Variants in PSD3 observed in about 807,000 individuals in gnomAD.
PSD3 encodes the protein pleckstrin and Sec7 domain containing 3, also known as PH and SEC7 domain-containing protein 3.
PSD3 carries 49 observed loss-of-function variants against 105.5 expected under a neutral mutation model. That is an observed-to-expected ratio of 0.46 (90% CI 0.37 to 0.59). The LOEUF is 0.59. PSD3 is among the 20% of genes least tolerant of loss of function. PSD3 has a pLI of 0.00. For missense variants in PSD3, 1,561 were observed against 1,263.8 expected (o/e 1.24, Z -3.57); for synonymous variants, 557 against 457.8 (o/e 1.22, Z -2.77).
At chr8:19,070,923 G>C (rs1407045361) in intron 1 of PSD3, among the ~76,000 whole-genome samples, 1 of 152,108 alleles carries the variant, frequency 6.6e-6, no homozygotes, top group Non-Finnish European at 1.5e-5. Context: ...TCTTTAGTTA[G>C]GCTAGGCAGG....
intron 12 of PSD3, among the ~76,000 whole-genome samples, chr8:18,589,676 G>C (rs1477795228): frequency 6.6e-6 from 1 of 152,200 alleles, no homozygotes; most frequent in Non-Finnish European, 1.5e-5. Flanking sequence ...GTCTGGAGAA[G>C]GGGTGGCAGG....
intron 9 of PSD3, among the ~76,000 whole-genome samples, chr8:18,663,037 T>G (rs1268713692): frequency 6.6e-6 from 1 of 152,142 alleles, no homozygotes; most frequent in East Asian, 1.9e-4. Context: ...CATTTCTTCA[T>G]TATTACTGAA....
chr8:18,552,936 T>G (rs1800860745), intron 15 of PSD3, among the ~76,000 whole-genome samples: 1 of 152,154 alleles, frequency 6.6e-6, no homozygotes, highest in African/African-American at 2.4e-5. Context: ...GAAGTTTCCT[T>G]GCTCTCTGTA....
At chr8:18,789,778 C>T (rs1051482559) in intron 8 of PSD3, among the ~76,000 whole-genome samples, 1 of 152,208 alleles carries the variant, frequency 6.6e-6, no homozygotes, top group Non-Finnish European at 1.5e-5. Context: ...TCAGGGGTTT[C>T]AGCCACCATC....
At chr8:18,970,905 G>T (rs528163326) in intron 1 of PSD3, among the ~76,000 whole-genome samples, 2 of 149,166 alleles carry the variant, frequency 1.3e-5, no homozygotes, top group Non-Finnish European at 3.0e-5. Context: ...CTAGAACCCA[G>T]GAGGCGGAGG....
chr8:18,789,599 T>C (rs1809505372), intron 8 of PSD3, among the ~76,000 whole-genome samples: 2 of 152,222 alleles, frequency 1.3e-5, no homozygotes, highest in African/African-American at 4.8e-5. Flanking sequence ...TTTAGAATAC[T>C]GAAATATCAG....
chr8:18,598,629 G>C (rs931143043), intron 12 of PSD3, among the ~76,000 whole-genome samples: 4 of 151,956 alleles, frequency 2.6e-5, no homozygotes, highest in East Asian at 3.9e-4. Context: ...AACAGATACA[G>C]TTTCAAATGA....
intron 1 of PSD3, among the ~76,000 whole-genome samples, chr8:18,946,171 A>T (rs1830931045): frequency 6.6e-6 from 1 of 152,196 alleles, no homozygotes; most frequent in Admixed American, 6.5e-5. Flanking sequence ...TTCCACTATA[A>T]TTAAAAATTT....
intron 1 of PSD3, among the ~76,000 whole-genome samples, chr8:19,079,516 A>C (rs1829573764): frequency 6.6e-6 from 1 of 152,192 alleles, no homozygotes; most frequent in Admixed American, 6.5e-5. Flanking sequence ...GAGAAAAACA[A>C]CTTTTAAACT....
upstream of PSD3, chr8:19,013,720 C>T: frequency 1.4e-6 from 1 of 706,636 alleles, no homozygotes; most frequent in Non-Finnish European, 1.9e-6. Flanking sequence ...CGGCGGCCCG[C>T]GCGCACCCTG....
At chr8:19,080,627 C>T (rs1056244146) in intron 1 of PSD3, among the ~76,000 whole-genome samples, 1 of 152,154 alleles carries the variant, frequency 6.6e-6, no homozygotes, top group South Asian at 2.1e-4. Flanking sequence ...TGGCTCCTTG[C>T]CTGTCATGCT....
chr8:19,008,229 G>T (rs1026529595), intron 1 of PSD3, among the ~76,000 whole-genome samples: 2 of 151,730 alleles, frequency 1.3e-5, no homozygotes, highest in African/African-American at 2.4e-5. Flanking sequence ...AAATGAATCG[G>T]CGAAACATAA....
At chr8:18,796,844 C>G (rs988317246) in intron 8 of PSD3, among the ~76,000 whole-genome samples, 1 of 152,090 alleles carries the variant, frequency 6.6e-6, no homozygotes, top group Non-Finnish European at 1.5e-5. Context: ...ATTCTGGCAT[C>G]GGATCAAGTA....
chr8:18,782,762 G>A (rs1165877979), intron 8 of PSD3, among the ~76,000 whole-genome samples: 1 of 152,148 alleles, frequency 6.6e-6, no homozygotes, highest in Non-Finnish European at 1.5e-5. Flanking sequence ...GCTAACTTGG[G>A]GCCCCAAGCT....
intron 1 of PSD3, among the ~76,000 whole-genome samples, chr8:19,065,467 C>G (rs1829045707): frequency 1.3e-5 from 2 of 152,162 alleles, no homozygotes; most frequent in South Asian, 4.1e-4. Flanking sequence ...TCACAAGACA[C>G]CAGTTTTATG....
At chr8:18,672,304 C>A (rs900146358) in intron 9 of PSD3, among the ~76,000 whole-genome samples, 23 of 151,472 alleles carry the variant, frequency 1.5e-4, no homozygotes, top group Middle Eastern at 3.4e-3. Flanking sequence ...AAAAAAAAAA[C>A]TTGCTGGGTA....
At chr8:18,834,594 T>C (rs775166765) in intron 4 of PSD3, among the ~76,000 whole-genome samples, 2 of 152,058 alleles carry the variant, frequency 1.3e-5, no homozygotes, top group Non-Finnish European at 2.9e-5. Context: ...ACCCTAGAAA[T>C]CTGGGCCGCG....
chr8:18,791,523 C>T (rs2129446375), intron 8 of PSD3, among the ~76,000 whole-genome samples: 1 of 151,878 alleles, frequency 6.6e-6, no homozygotes, highest in African/African-American at 2.4e-5. Flanking sequence ...ACTGGGTAGC[C>T]ATACGCAGAA....
intron 9 of PSD3, among the ~76,000 whole-genome samples, chr8:18,678,719 G>C (rs1184179607): frequency 9.9e-5 from 15 of 152,178 alleles, no homozygotes. Flanking sequence ...GGCCGAGGCA[G>C]GGGAATCGCT....
Sources: allele counts gnomAD v4.1 joint callset (sites outside exome capture counted in the v4.1 genomes callset), GRCh38; gene constraint gnomAD v4.1.1; transcripts MANE v1.5; gene names NCBI Gene and HGNC (gene_info 2026-07-23, HGNC 2026-07-21).